The following MAN2C1 variants were observed in gnomAD, a reference collection of about 807,000 sequenced individuals.
MAN2C1 encodes the protein alpha-mannosidase 2C1.
A neutral mutation model predicts 126.9 loss-of-function variants in MAN2C1; 111 were observed. The ratio of observed to expected loss-of-function variants is 0.87; its 90% CI spans 0.75 to 1.02. The LOEUF is 1.02. Ranked by LOEUF, MAN2C1 falls within the 50% of genes least tolerant of loss-of-function variation. The pLI is 0.00. For synonymous variants in MAN2C1, 567 were observed against 561.5 expected (o/e 1.01, Z -0.14); for missense variants, 1,363 against 1,364.4 (o/e 1.00, Z 0.02).
chr15:75,361,479 G>A lies in MAN2C1; in HGVS notation c.1219-98C>T. 4.0e-6 allele frequency: 5 copies of A among 1,263,566 alleles called. No homozygotes were observed. The highest frequency in any genetic ancestry group is 4.6e-6 in the Non-Finnish European group (4 of 864,826). The allele number at this position is 1,263,566 out of a possible 1,614,324, so 78.3% of individuals were successfully genotyped here. On this transcript the variant is annotated intron_variant, in intron 10 of 25. Transcript: ENST00000267978. The surrounding 1 kb of genome is among the most constrained non-coding windows in gnomAD (Gnocchi z 5.0). ...TTGGTCCTGCCCCTGCCTGCTATGT[G>A]ACCCTGGCAGAGGCAGAGTGAGGGT...
chr15:75,363,183 A>G (rs754704498), intron 6 of MAN2C1: 70 of 457,024 alleles, frequency 1.5e-4, no homozygotes, highest in African/African-American at 1.2e-3. Flanking sequence ...TTCCTCCCTT[A>G]CCAGCCCAGA....
chr15:75,360,562 G>C lies in MAN2C1; in HGVS notation c.1584+3C>G. The C allele has an allele frequency of 6.2e-7, 1 of 1,613,426 alleles. No individual in the cohort carries two copies. Among genetic ancestry groups the C allele is most frequent in the South Asian group, 1.1e-5 (1 of 91,012 alleles). On this transcript the variant is annotated splice_donor_region_variant and intron_variant, in intron 13 of 25. Coordinates refer to ENST00000267978, the MANE Select transcript of MAN2C1 (RefSeq NM_006715.4). ...CTGCACAGCCCTGCAACCTCCCCCT[G>C]ACCTGGGCATGGGTGGTGTATGTGC...
intron 6 of MAN2C1, 149 bp downstream of exon 6, chr15:75,363,850 C>A: frequency 1.2e-6 from 1 of 817,134 alleles, no homozygotes; most frequent in Non-Finnish European, 1.9e-6. Flanking sequence ...GCCCACAGTC[C>A]AGCCCCCCGG....
In MAN2C1 at chr15:75,361,020, A is replaced by G; in HGVS notation, c.1460+26T>C. On this transcript the variant is annotated intron_variant, in intron 12 of 25. Transcript: ENST00000267978. The surrounding 1 kb of genome is among the most constrained non-coding windows in gnomAD (Gnocchi z 5.0). ...CATGGCAAGGGCCCAGGGTGGGGCTAAAGGAGAGCCAAGGCCTGGCCTGAC... is the reference window on the plus strand; with the variant it reads ...CATGGCAAGGGCCCAGGGTGGGGCTGAAGGAGAGCCAAGGCCTGGCCTGAC... 2 of 1,597,646 alleles carry G rather than the reference A, an allele frequency of 1.3e-6. No homozygotes were observed. Among genetic ancestry groups the G allele is most frequent in the Non-Finnish European group, 1.7e-6 (2 of 1,172,798 alleles).
intron 18 of MAN2C1, 43 bp from the exon 19 acceptor site, chr15:75,358,851 G>A (rs747871376): frequency 1.2e-5 from 18 of 1,502,106 alleles, no homozygotes; most frequent in African/African-American, 9.6e-5. Context: ...AACTGACCTC[G>A]CTGTCTCCAG....
At chr15:75,357,895 A>C (rs1011712302) in intron 21 of MAN2C1, 4 of 328,820 alleles carry the variant, frequency 1.2e-5, no homozygotes, top group Non-Finnish European at 2.4e-5. Flanking sequence ...CTGGGATTAC[A>C]GGCGTGAGTC....
chr15:75,360,441 ACTT>A, intron 13 of MAN2C1, 121 bp downstream of exon 13: 2 of 1,432,714 alleles, frequency 1.4e-6, no homozygotes, highest in Non-Finnish European at 1.9e-6. Context: ...CAGGTCTTGA[ACTT>A]CTCTCCTCCA....
In MAN2C1 at chr15:75,368,491, G is replaced by A. The variant is rs1372552819; in HGVS notation, c.93C>T (p.Leu31=). ...VSPLYFTDCN[L]RGRLFGASCP... ...GGGACCAGGGGCCACACCTGCCGCG[G>A]AGGTTACAGTCGGTAAAGTAGAGCG... The change falls in exon 1 of 26, where the codon CTC becomes CTT. Residue 31 remains leucine, a synonymous_variant. Coordinates refer to ENST00000267978, the MANE Select transcript of MAN2C1 (RefSeq NM_006715.4). 4 of 1,552,368 alleles carry A rather than the reference G, an allele frequency of 2.6e-6. No homozygotes were observed. The South Asian group carries it at 3.6e-5, about 14-fold the overall frequency.
Position 75,361,133 on chromosome 15 carries a change from A to G in MAN2C1, c.1373T>C (p.Leu458Pro). ...DKGRANHSAF[L>P]FGFGDGGGGP... Reference sequence around the variant, plus strand: ...ACCACCCCCATCCCCAAAGCCAAAGAGGAAGGCACTGTGGTTGGCCCGCCC... The same window carrying G: ...ACCACCCCCATCCCCAAAGCCAAAGGGGAAGGCACTGTGGTTGGCCCGCCC... The change falls in exon 12 of 26, where the codon CTC (leucine) becomes CCC (proline). Residue 458 changes from leucine (L) to proline (P), a missense_variant. Coordinates refer to ENST00000267978, the MANE Select transcript of MAN2C1 (RefSeq NM_006715.4). The surrounding 1 kb of genome is among the most constrained non-coding windows in gnomAD (Gnocchi z 5.0). 1 of 1,613,478 alleles carries G rather than the reference A, an allele frequency of 6.2e-7. No individual in the cohort carries two copies. The highest frequency in any genetic ancestry group is 8.5e-7 in the Non-Finnish European group (1 of 1,179,838).
At chr15:75,368,373 C>T in intron 1 of MAN2C1, 110 bp downstream of exon 1, 1 of 1,389,266 alleles carries the variant, frequency 7.2e-7, no homozygotes, top group Non-Finnish European at 9.8e-7. Flanking sequence ...CTGCCCGCGG[C>T]GGGCACTTTG....
In MAN2C1 at chr15:75,361,138, G is replaced by A; in HGVS notation, c.1368C>T (p.Ala456=). The A allele has an allele frequency of 6.2e-7, 1 of 1,613,546 alleles. No homozygotes were observed. The highest frequency in any genetic ancestry group is 2.2e-5 in the East Asian group (1 of 44,880). Residue 456 remains alanine (A), a synonymous_variant, in exon 12 of 26, where the codon GCC becomes GCT. Coordinates refer to ENST00000267978, the MANE Select transcript of MAN2C1 (RefSeq NM_006715.4). The surrounding 1 kb of genome is among the most constrained non-coding windows in gnomAD (Gnocchi z 5.0). ...CCCCATCCCCAAAGCCAAAGAGGAA[G>A]GCACTGTGGTTGGCCCGCCCCTTGT... is the stretch of plus-strand genomic sequence containing the variant. The part of the protein sequence containing the change: ...NRDKGRANHS[A]FLFGFGDGGG...
Position 75,358,352 on chromosome 15 carries a change from T to C in MAN2C1, c.2404-8A>G, listed in dbSNP as rs1472199869. On this transcript the variant is annotated splice_region_variant and splice_polypyrimidine_tract_variant and intron_variant, in intron 20 of 25. Coordinates refer to ENST00000267978, the MANE Select transcript of MAN2C1 (RefSeq NM_006715.4). ...GGCCTCATGCCAGTGTACCTGGGAG[T>C]GGGAAGGAGGGTGGGAGTCAGGGAA... The C allele has an allele frequency of 1.9e-6, 3 of 1,613,568 alleles. No individual in the cohort carries two copies. Among genetic ancestry groups the C allele is most frequent in the Admixed American group, 1.7e-5 (1 of 59,992 alleles).
chr15:75,361,584 C>A lies in MAN2C1; in HGVS notation c.1218+20G>T. On this transcript the variant is annotated intron_variant, in intron 10 of 25. Coordinates refer to ENST00000267978, the MANE Select transcript of MAN2C1 (RefSeq NM_006715.4). This position sits in a 1 kb window ranked among gnomAD's most constrained non-coding sequence, Gnocchi z 5.0. ...GGACTGAGGCCCACTCTGACCCTGA[C>A]CCCCCGGGGGCCTGCTTACTGGGAA... The A allele has an allele frequency of 6.3e-7, 1 of 1,586,440 alleles. No individual in the cohort carries two copies. The highest frequency in any genetic ancestry group is 8.7e-7 in the Non-Finnish European group (1 of 1,155,138).
At chr15:75,360,233 T>TA in intron 13 of MAN2C1, 22 bp from the exon 14 acceptor site, 1 of 1,604,238 alleles carries the variant, frequency 6.2e-7, no homozygotes, top group Admixed American at 1.7e-5. Context: ...ATGGGAAGAT[T>TA]AGTCTGGAGC....
At chr15:75,358,651 G>T (rs750508200) in intron 19 of MAN2C1, 33 bp from the exon 20 acceptor site, 3 of 1,473,110 alleles carry the variant, frequency 2.0e-6, no homozygotes, top group Non-Finnish European at 2.8e-6. Context: ...CTGATCCAGA[G>T]CAGCCTGTGT....
chr15:75,359,136 A>G lies in MAN2C1; in HGVS notation c.2064T>C (p.Thr688=). 1 of 1,613,968 alleles carries G rather than the reference A, an allele frequency of 6.2e-7. No homozygotes were observed. The highest frequency in any genetic ancestry group is 8.5e-7 in the Non-Finnish European group (1 of 1,179,996). ...FVVQETDGSV[T]LDNGIIRVKL... ...TCACTCGGATGATGCCATTGTCCAG[A>G]GTCACGGAGCCATCAGTCTTTGTGG... is the stretch of plus-strand genomic sequence containing the variant. The change falls in exon 18 of 26, where the codon ACT becomes ACC. Residue 688 remains threonine (T), a synonymous_variant. Transcript: ENST00000267978.
At position 75,360,705 on chromosome 15, in the gene MAN2C1, C is replaced by A; in HGVS notation, c.1461-17G>T. ...AGCTGCACCCTGAGGAGACCACAAG[C>A]CTAGGTCTCCCAGCCTTGGAGACCA... On this transcript the variant is annotated splice_polypyrimidine_tract_variant and intron_variant, in intron 12 of 25. Transcript: ENST00000267978. 6.2e-7 allele frequency: 1 copy of A among 1,611,922 alleles called. No homozygotes were observed. The highest frequency in any genetic ancestry group is 8.5e-7 in the Non-Finnish European group (1 of 1,179,290).
chr15:75,358,488 A>G lies in MAN2C1; in HGVS notation c.2377T>C (p.Cys793Arg). ...TCGGTGTGGAAGCGGACATAGGGGCAGCCAACGTCCAGCACAACCTCCTGG... is the reference window on the plus strand; with the variant it reads ...TCGGTGTGGAAGCGGACATAGGGGCGGCCAACGTCCAGCACAACCTCCTGG... ...LSQEVVLDVG[C>R]PYVRFHTEVH... The change falls in exon 20 of 26, where the codon TGC (cysteine) becomes CGC (arginine). Residue 793 changes from cysteine (C) to arginine (R), a missense_variant. Around this residue, in one of 3 missense-constraint regions of MAN2C1, gnomAD observed 668 missense variants for 650.1 expected, o/e 1.03. Coordinates refer to ENST00000267978, the MANE Select transcript of MAN2C1 (RefSeq NM_006715.4). 1 of 1,613,572 alleles carries G rather than the reference A, an allele frequency of 6.2e-7. No individual in the cohort carries two copies.
chr15:75,358,655 C>T, intron 19 of MAN2C1, 37 bp from the exon 20 acceptor site: 3 of 1,613,106 alleles, frequency 1.9e-6, no homozygotes, highest in Non-Finnish European at 2.5e-6. Flanking sequence ...TCCAGAGCAG[C>T]CTGTGTTCCC....
Sources: gnomAD v4.1 joint callset for allele counts on GRCh38, gnomAD v4.1.1 for gene constraint, gnomAD v4.1.1 regional missense constraint, Gnocchi (gnomAD v3.1) non-coding constraint, MANE v1.5 for transcripts, NCBI Gene and HGNC (gene_info 2026-07-23, HGNC 2026-07-21) for gene names.